Variants in PXDN observed in about 807,000 individuals in gnomAD.
PXDN encodes the protein peroxidasin, also known as peroxidasin homolog.
A neutral mutation model predicts 140.3 loss-of-function variants in PXDN; 77 were observed. That is an observed-to-expected ratio of 0.55 (90% CI 0.46 to 0.66). The LOEUF (loss-of-function observed/expected upper bound fraction) is 0.66. Ranked by LOEUF, PXDN falls within the 30% of genes least tolerant of loss-of-function variation. The pLI is 0.00. For synonymous variants in PXDN, 911 were observed against 857.4 expected (o/e 1.06, Z -1.09); for missense variants, 1,838 against 2,039.5 (o/e 0.90, Z 1.90).
At chr2:1,727,307 T>C (rs1276595862) in intron 1 of PXDN, among the ~76,000 whole-genome samples, 1 of 152,194 alleles carries the variant, frequency 6.6e-6, no homozygotes, top group Non-Finnish European at 1.5e-5. Flanking sequence ...ACAAAGTTCT[T>C]TGGCCTCATA....
At chr2:1,640,530 G>A (rs1410498747) in intron 19 of PXDN, among the ~76,000 whole-genome samples, 1 of 152,176 alleles carries the variant, frequency 6.6e-6, no homozygotes, top group African/African-American at 2.4e-5. Context: ...CCCCACAGCG[G>A]AGCCCACAAA....
intron 1 of PXDN, among the ~76,000 whole-genome samples, chr2:1,698,008 C>T (rs1313014595): frequency 1.3e-5 from 2 of 152,172 alleles, no homozygotes; most frequent in Non-Finnish European, 2.9e-5. Flanking sequence ...TCAGGCAGGG[C>T]ATCCATGAAC....
At chr2:1,677,209 A>C (rs1032971552) in intron 7 of PXDN, among the ~76,000 whole-genome samples, 165 bp from the exon 8 acceptor site, 1 of 152,258 alleles carries the variant, frequency 6.6e-6, no homozygotes, top group South Asian at 2.1e-4. Context: ...GCTTCTCTAC[A>C]GCCCCGTCTA....
intron 9 of PXDN, 23 bp downstream of exon 9, chr2:1,673,620 G>C: frequency 6.3e-7 from 1 of 1,595,674 alleles, no homozygotes; most frequent in Non-Finnish European, 8.6e-7. Context: ...ATGGAACCCC[G>C]GTGTGAAATG....
rs1337308972 is a variant in PXDN at position 1,676,997 on chromosome 2, CCGAGGTCA to C, written c.770_777del (p.Val257GlyfsTer17). 6.2e-7 allele frequency: 1 copy of C among 1,612,810 alleles called. No homozygotes were observed. Among genetic ancestry groups the C allele is most frequent in the South Asian group, 1.1e-5 (1 of 90,590 alleles). ...CTGCAGGTGAAGTACACGGTGTTCC[CCGAGGTCA>C]CATCTGCGTCCTGGGGCTCGGAGGT... On this transcript the variant is annotated frameshift_variant, in exon 8 of 23. Transcript: ENST00000252804. LOFTEE classifies it high-confidence loss of function.
intron 1 of PXDN, among the ~76,000 whole-genome samples, chr2:1,726,864 A>T (rs1013987319): frequency 6.6e-6 from 1 of 152,158 alleles, no homozygotes; most frequent in Admixed American, 6.5e-5. Flanking sequence ...CGTAATTCTT[A>T]GCAAAGACTT....
chr2:1,691,601 C>G (rs112224827), intron 3 of PXDN, among the ~76,000 whole-genome samples: 1 of 152,122 alleles, frequency 6.6e-6, no homozygotes, highest in Admixed American at 6.6e-5. Flanking sequence ...CTGTTCATAT[C>G]GGCAACTCAC....
chr2:1,673,707 C>G lies in PXDN; in HGVS notation c.954G>C (p.Met318Ile). Reference protein sequence around the residue: ...QETDQGIYQCMAKNVAGEVKT... With the variant: ...QETDQGIYQCIAKNVAGEVKT... Reference sequence around the variant, plus strand: ...TCACCTCTCCGGCCACGTTCTTTGCCATGCACTGGTAGATACCCTGGTCTG... The same window carrying G: ...TCACCTCTCCGGCCACGTTCTTTGCGATGCACTGGTAGATACCCTGGTCTG... The change falls in exon 9 of 23, where the codon ATG becomes ATC. Residue 318 changes from methionine to isoleucine, a missense_variant. Physicochemically the swap from Met to Ile is conservative, Grantham distance 10. Around this residue, in one of 5 missense-constraint regions of PXDN, gnomAD observed 208 missense variants for 325.8 expected, o/e 0.64. Coordinates refer to ENST00000252804, the MANE Select transcript of PXDN (RefSeq NM_012293.3). The G allele has an allele frequency of 6.2e-7, 1 of 1,614,032 alleles. No homozygotes were observed. Among genetic ancestry groups the G allele is most frequent in the African/African-American group, 1.3e-5 (1 of 75,054 alleles).
intron 14 of PXDN, among the ~76,000 whole-genome samples, chr2:1,657,866 C>T (rs866221080): frequency 2.9e-4 from 43 of 147,770 alleles, no homozygotes; most frequent in African/African-American, 8.4e-4. Context: ...CTGACAAGGA[C>T]GTGCCCCCTC....
At chr2:1,659,494 AG>A (rs1170018351) in intron 14 of PXDN, among the ~76,000 whole-genome samples, 5 of 152,352 alleles carry the variant, frequency 3.3e-5, no homozygotes, top group Non-Finnish European at 1.5e-5. Flanking sequence ...CAATGATCAC[AG>A]AAAAATAATC....
At chr2:1,652,571 TC>T (rs1330529906) in intron 16 of PXDN, among the ~76,000 whole-genome samples, 2 of 151,586 alleles carry the variant, frequency 1.3e-5, no homozygotes, top group African/African-American at 2.4e-5. Flanking sequence ...GGTCTCCAAC[TC>T]CAACATTTCC....
intron 12 of PXDN, 100 bp from the exon 13 acceptor site, chr2:1,662,284 T>C: frequency 1.0e-6 from 1 of 999,144 alleles, no homozygotes; most frequent in South Asian, 1.4e-5. Flanking sequence ...CACTCAGGGA[T>C]GCTGGGAGCT....
At chr2:1,706,366 T>A (rs180757915) in intron 1 of PXDN, among the ~76,000 whole-genome samples, 1 of 152,294 alleles carries the variant, frequency 6.6e-6, no homozygotes, top group African/African-American at 2.4e-5. Flanking sequence ...TCGGACACGG[T>A]CTCACTGCAA....
At position 1,648,639 on chromosome 2, in the gene PXDN, C is replaced by T. The variant is rs1682918092; in HGVS notation, c.3141G>A (p.Leu1047=). The T allele has an allele frequency of 6.2e-7, 1 of 1,610,788 alleles. No individual in the cohort carries two copies. The highest frequency in any genetic ancestry group is 8.5e-7 in the Non-Finnish European group (1 of 1,178,958). Residue 1047 remains leucine, a synonymous_variant, in exon 17 of 23, where the codon CTG becomes CTA. Coordinates refer to ENST00000252804, the MANE Select transcript of PXDN (RefSeq NM_012293.3). The surrounding 1 kb of genome is among the most constrained non-coding windows in gnomAD (Gnocchi z 8.9). ...CGGGGTCGTAGCCGTGGTACTCTCC[C>T]AGCGTCCTCATGCCCACCTCCCCCA... ...KILGEVGMRT[L]GEYHGYDPGI... is the part of the protein sequence containing the mutation.
At position 1,714,331 on chromosome 2, in the gene PXDN, G is replaced by A. The variant is rs917969901; in HGVS notation, c.201-21197C>T. Among the ~76,000 whole-genome samples, 1 of 152,162 alleles carries A rather than the reference G, an allele frequency of 6.6e-6. No individual in the cohort carries two copies. On this transcript the variant is annotated intron_variant, in intron 1 of 22. Transcript: ENST00000252804. This position sits in a 1 kb window ranked among gnomAD's most constrained non-coding sequence, Gnocchi z 4.3. ...GGGAAGGTTCCCCTGTCCCCCGATG[G>A]TCCGGCACCCTGGCCCACTCGCTCC...
chr2:1,661,709 C>T (rs947835025), intron 13 of PXDN, among the ~76,000 whole-genome samples: 1 of 152,088 alleles, frequency 6.6e-6, no homozygotes, highest in African/African-American at 2.4e-5. Flanking sequence ...AATGAAATAA[C>T]GATGAAAACC....
intron 7 of PXDN, among the ~76,000 whole-genome samples, chr2:1,679,337 GGT>G (rs1186797796): frequency 2.0e-5 from 3 of 148,464 alleles, no homozygotes; most frequent in African/African-American, 5.0e-5. Flanking sequence ...GTGTGTAAAT[GGT>G]GTGTGTGTGT....
rs1429716550 is a variant in PXDN, at chr2:1,649,284, C to T, written c.2496G>A (p.Thr832=). 7 of 1,613,438 alleles carry T rather than the reference C, an allele frequency of 4.3e-6. No homozygotes were observed. Among genetic ancestry groups the T allele is most frequent in the Non-Finnish European group, 5.1e-6 (6 of 1,179,796 alleles). Residue 832 remains threonine, a synonymous_variant, in exon 17 of 23, where the codon ACG becomes ACA. Transcript: ENST00000252804. The surrounding 1 kb of genome is among the most constrained non-coding windows in gnomAD (Gnocchi z 7.1). ...AGCGTGCCTGGCTCAGGGCCACCAC[C>T]GTGGAGTCGAGGTCGTGGTCCAGGA... is the stretch of plus-strand genomic sequence containing the variant. ...GQFLDHDLDS[T]VVALSQARFS...
intron 1 of PXDN, among the ~76,000 whole-genome samples, chr2:1,730,819 C>G (rs1685295356): frequency 6.6e-6 from 1 of 152,130 alleles, no homozygotes; most frequent in Admixed American, 6.5e-5. Context: ...TACAAGCAAT[C>G]CGGCTGTGAC....
Sources: allele counts gnomAD v4.1 joint callset (sites outside exome capture counted in the v4.1 genomes callset), GRCh38; gene constraint gnomAD v4.1.1; regional missense constraint gnomAD v4.1.1; non-coding constraint Gnocchi (gnomAD v3.1); transcripts MANE v1.5; gene names NCBI Gene and HGNC (gene_info 2026-07-23, HGNC 2026-07-21).